Variants in PDE10A observed in about 807,000 individuals in gnomAD.
PDE10A encodes the protein cAMP and cAMP-inhibited cGMP 3',5'-cyclic phosphodiesterase 10A.
In PDE10A, 39 loss-of-function variants were observed where a neutral mutation model predicts 97.7. The observed-to-expected ratio is 0.40, with a 90% CI of 0.31 to 0.52. The LOEUF is 0.52. Ranked by LOEUF, PDE10A falls within the 20% of genes least tolerant of loss-of-function variation. The probability of loss-of-function intolerance (pLI) is 0.56; values close to 1 mark genes in which losing one functional copy is unlikely to be tolerated. For synonymous variants in PDE10A, 371 were observed against 376.8 expected, an observed-to-expected ratio of 0.98 and a Z score of 0.18; for missense variants, 731 against 1,047.8, an observed-to-expected ratio of 0.70 and a Z score of 4.17.
chr6:165,453,277 G>C (rs550434307), intron 3 of PDE10A, among the ~76,000 whole-genome samples: 1 of 152,334 alleles, frequency 6.6e-6, no homozygotes, highest in East Asian at 1.9e-4. Flanking sequence ...AGAATGGAAA[G>C]ATTTGGAAAA....
At chr6:165,431,568 T>C in intron 7 of PDE10A, 96 bp from the exon 8 acceptor site, 1 of 363,774 alleles carries the variant, frequency 2.7e-6, no homozygotes, top group Non-Finnish European at 4.8e-6. Context: ...GTATAATACA[T>C]AACATATATA....
chr6:165,891,526 G>C (rs2076808801), intron 1 of PDE10A, among the ~76,000 whole-genome samples: 1 of 152,032 alleles, frequency 6.6e-6, no homozygotes, highest in Admixed American at 6.6e-5. Context: ...TCTCTGATGG[G>C]GCCCTTGTCC....
At position 165,384,358 on chromosome 6, in the gene PDE10A, C is replaced by T. The variant is rs558334953; in HGVS notation, c.2610+3940G>A. On this transcript the variant is annotated intron_variant, in intron 17 of 21. Coordinates refer to ENST00000539869, the MANE Select transcript of PDE10A (RefSeq NM_001385079.1). ...AATGTCCACCATGAGCTCTACACAGCGACGGGCCCCAAACACCATGAAAAC... is the reference window on the plus strand; with the variant it reads ...AATGTCCACCATGAGCTCTACACAGTGACGGGCCCCAAACACCATGAAAAC... Among the ~76,000 whole-genome samples, 12 of 152,172 alleles carry T rather than the reference C, an allele frequency of 7.9e-5. 1 individual carries two copies. The South Asian group carries it at 1.9e-3, about 24-fold the overall frequency.
intron 1 of PDE10A, among the ~76,000 whole-genome samples, chr6:165,801,811 G>C (rs988932437): frequency 6.6e-6 from 1 of 152,296 alleles, no homozygotes; most frequent in African/African-American, 2.4e-5. Context: ...TCAGGATTGA[G>C]AGAGTGGTGC....
chr6:165,787,266 T>G (rs1034642074), intron 1 of PDE10A, among the ~76,000 whole-genome samples: 2 of 152,078 alleles, frequency 1.3e-5, no homozygotes, highest in Non-Finnish European at 2.9e-5. Context: ...ACCCACAAGT[T>G]CCTGAGTGTT....
chr6:165,587,675 T>C (rs2128380702), intron 1 of PDE10A, among the ~76,000 whole-genome samples: 1 of 152,088 alleles, frequency 6.6e-6, no homozygotes, highest in Non-Finnish European at 1.5e-5. Context: ...TTTTTTTTCC[T>C]ATTTACCTGA....
At chr6:165,558,003 A>G (rs1440484768) in intron 1 of PDE10A, among the ~76,000 whole-genome samples, 1 of 152,222 alleles carries the variant, frequency 6.6e-6, no homozygotes, top group Non-Finnish European at 1.5e-5. Flanking sequence ...ATATCTTGAC[A>G]TGCAATATAT....
At chr6:165,583,099 G>A (rs1290827365) in intron 1 of PDE10A, among the ~76,000 whole-genome samples, 2 of 152,020 alleles carry the variant, frequency 1.3e-5, no homozygotes, top group Non-Finnish European at 2.9e-5. Context: ...TATGTGCGGG[G>A]GCAGTATACT....
intron 1 of PDE10A, among the ~76,000 whole-genome samples, chr6:165,850,341 G>T (rs1780541863): frequency 6.6e-6 from 1 of 152,166 alleles, no homozygotes; most frequent in Admixed American, 6.5e-5. Context: ...GACCTTCGAA[G>T]CCCCCGGGAA....
intron 19 of PDE10A, among the ~76,000 whole-genome samples, chr6:165,343,111 G>A (rs1367278796): frequency 6.6e-6 from 1 of 152,172 alleles, no homozygotes; most frequent in African/African-American, 2.4e-5. Context: ...ATGAACAAAA[G>A]ATCAGCTGTT....
chr6:165,983,242 C>T (rs1000097565), intron 1 of PDE10A, among the ~76,000 whole-genome samples: 1 of 152,208 alleles, frequency 6.6e-6, no homozygotes, highest in Non-Finnish European at 1.5e-5. Context: ...TGAGTGTGTA[C>T]ACAATGACCC....
intron 18 of PDE10A, among the ~76,000 whole-genome samples, chr6:165,346,495 C>T (rs1272096974): frequency 6.6e-6 from 1 of 152,236 alleles, no homozygotes. Flanking sequence ...GGCTCTATCA[C>T]AGGGGTGCAG....
At chr6:165,390,991 A>C (rs965469882) in intron 16 of PDE10A, among the ~76,000 whole-genome samples, 3 of 152,176 alleles carry the variant, frequency 2.0e-5, no homozygotes, top group African/African-American at 7.2e-5. Flanking sequence ...ACCTGATAAG[A>C]AATCTCAAGA....
intron 1 of PDE10A, among the ~76,000 whole-genome samples, chr6:165,691,062 ACTCTCTCTCTCTTTCTCT>A (rs1209253133): frequency 0.052 from 5,358 of 102,310 alleles, 392 homozygotes; most frequent in African/African-American, 0.17. Flanking sequence ...TTACAGTAAT[ACTCTCTCTCTCTTTCTCT>A]CTCTCTCTCT....
intron 1 of PDE10A, among the ~76,000 whole-genome samples, chr6:165,930,738 C>T (rs1783106108): frequency 6.6e-6 from 1 of 152,238 alleles, no homozygotes; most frequent in South Asian, 2.1e-4. Context: ...GCATTCGGAA[C>T]ATTTCAAGTG....
intron 18 of PDE10A, among the ~76,000 whole-genome samples, chr6:165,376,568 AAAGG>A (rs1784616050): frequency 1.3e-5 from 2 of 152,220 alleles, no homozygotes; most frequent in South Asian, 4.1e-4. Flanking sequence ...ATTTTCTGTG[AAAGG>A]AAGAGTCCAT....
chr6:165,502,280 T>C (rs1780935630), intron 2 of PDE10A, among the ~76,000 whole-genome samples: 1 of 152,178 alleles, frequency 6.6e-6, no homozygotes, highest in East Asian at 1.9e-4. Flanking sequence ...TTTATCAAAT[T>C]TAAATACTTT....
Position 165,662,882 on chromosome 6 carries a change from T to TCCGCCCCCGCAGGACCTGC in PDE10A, c.-90_-72dup, listed in dbSNP as rs1790363276. 6.7e-6 allele frequency among the ~76,000 whole-genome samples: 1 copy of TCCGCCCCCGCAGGACCTGC among 149,642 alleles called. No individual in the cohort carries two copies. Among genetic ancestry groups the TCCGCCCCCGCAGGACCTGC allele is most frequent in the Non-Finnish European group, 1.5e-5 (1 of 67,154 alleles). On this transcript the variant is annotated 5_prime_UTR_variant, in exon 1 of 22. Coordinates refer to ENST00000539869, the MANE Select transcript of PDE10A (RefSeq NM_001385079.1). ...CGCGGCGGGCCGGGGCTCGGTGGGCTCCGCCCCCGCAGGACCTGCCCACCC... is the reference window on the plus strand; with the variant it reads ...CGCGGCGGGCCGGGGCTCGGTGGGCTCCGCCCCCGCAGGACCTGCCCGCCCCCGCAGGACCTGCCCACCC...
At chr6:165,901,309 C>T (rs139595855) in intron 1 of PDE10A, among the ~76,000 whole-genome samples, 1 of 152,224 alleles carries the variant, frequency 6.6e-6, no homozygotes, top group Admixed American at 6.5e-5. Flanking sequence ...CCCAGCTCCA[C>T]ACCAGGTATG....
Sources: gnomAD v4.1 joint callset for allele counts (sites outside exome capture counted in the v4.1 genomes callset) on GRCh38, gnomAD v4.1.1 for gene constraint, MANE v1.5 for transcripts, NCBI Gene and HGNC (gene_info 2026-07-23, HGNC 2026-07-21) for gene names.